The following ZSCAN25 variants were observed in gnomAD, a reference collection of about 807,000 sequenced individuals.
ZSCAN25 encodes zinc finger and SCAN domain-containing protein 25.
In ZSCAN25, 27 loss-of-function variants were observed where a neutral mutation model predicts 38.7. That is an observed-to-expected ratio of 0.70 (90% CI 0.51 to 0.96). The LOEUF (loss-of-function observed/expected upper bound fraction) is 0.96, where lower values mean the gene tolerates loss of function less well. Among genes scored for constraint, ZSCAN25 ranks in the 40% least tolerant of loss-of-function variants. The pLI is 0.00. For missense variants in ZSCAN25, 637 were observed against 705.9 expected, an observed-to-expected ratio of 0.90 and a Z score of 1.11; for synonymous variants, 273 against 277.7, an observed-to-expected ratio of 0.98 and a Z score of 0.17.
At chr7:99,698,316 G>A in the ZSCAN25 span, among the ~76,000 whole-genome samples, 5 of 152,184 alleles carry the variant, frequency 3.3e-5, no homozygotes, top group Non-Finnish European at 5.9e-5. Flanking sequence ...ATGTCCCTGT[G>A]TCCAGGCTTG....
At chr7:99,712,196 C>T in the ZSCAN25 span, among the ~76,000 whole-genome samples, 2 of 152,196 alleles carry the variant, frequency 1.3e-5, no homozygotes, top group Admixed American at 1.3e-4. Flanking sequence ...GTGCCTGTTC[C>T]AACCATGTAA....
At chr7:99,710,707 C>T in the ZSCAN25 span, 1 of 1,613,706 alleles carries the variant, frequency 6.2e-7, no homozygotes, top group Non-Finnish European at 8.5e-7. Context: ...CCTCCTCCCT[C>T]CTTCTCCATG....
the ZSCAN25 span, chr7:99,713,656 T>G: frequency 3.7e-6 from 5 of 1,354,682 alleles, no homozygotes; most frequent in East Asian, 7.2e-5. Flanking sequence ...AGAAATCTGA[T>G]GGGTGTTGCC....
Position 99,630,866 on chromosome 7 carries a change from TAGAA to T in ZSCAN25, c.*851_*854del, listed in dbSNP as rs1807945689. The T allele has an allele frequency of 3.0e-6, 3 of 984,294 alleles. No individual in the cohort carries two copies. The highest frequency in any genetic ancestry group is 1.1e-4 in the East Asian group (1 of 8,818). The allele number at this position is 984,294 out of a possible 1,614,324, so 61.0% of individuals were successfully genotyped here. A position where few individuals can be genotyped will look rare whatever the true frequency, so the allele number is the denominator to read the frequency against. The stretch of plus-strand genomic sequence containing the variant: ...CAGAGTATTTTAAAAAACAGTTCTC[TAGAA>T]AGAACTGTTATAATTAAAATGAGTC... On this transcript the variant is annotated 3_prime_UTR_variant, in exon 8 of 8. Transcript: ENST00000394152.
chr7:99,622,520 T>A (rs368877156), intron 5 of ZSCAN25, 29 bp from the exon 6 acceptor site: 23 of 1,605,438 alleles, frequency 1.4e-5, no homozygotes, highest in Non-Finnish European at 1.8e-5. Context: ...ATCCTTCTGA[T>A]CTTTCTCATG....
At chr7:99,635,890 A>T (rs1343120676), downstream of ZSCAN25, among the ~76,000 whole-genome samples, 1 of 152,058 alleles carries the variant, frequency 6.6e-6, no homozygotes. Flanking sequence ...TGCTAAAAAT[A>T]CAAAAAATTA....
chr7:99,715,474 G>A, the ZSCAN25 span: 9 of 419,752 alleles, frequency 2.1e-5, no homozygotes, highest in African/African-American at 1.2e-4. Flanking sequence ...TCATTTCTAT[G>A]AAGTGTCCAG....
At chr7:99,662,877 T>C in the ZSCAN25 span, 4 of 1,613,822 alleles carry the variant, frequency 2.5e-6, no homozygotes, top group Non-Finnish European at 3.4e-6. This position sits in a 1 kb window ranked among gnomAD's most constrained non-coding sequence, Gnocchi z 4.3. Context: ...GGAAATCTAG[T>C]CGGTGCTAGA....
At chr7:99,638,720 T>G in the ZSCAN25 span, 1 of 1,278,546 alleles carries the variant, frequency 7.8e-7, no homozygotes, top group Non-Finnish European at 1.1e-6. Flanking sequence ...AACATGAGGA[T>G]CCACATTTCC....
rs188734115 is a variant in ZSCAN25 at position 99,630,140 on chromosome 7, C to T, written c.*120C>T. On this transcript the variant is annotated 3_prime_UTR_variant, in exon 8 of 8. Transcript: ENST00000394152. ...TCGCCTTCCCACCCATTCGCCAACG[C>T]GGGAAAGGCAAGGCCTGGCTTACTT... is the stretch of plus-strand genomic sequence containing the variant. The T allele has an allele frequency of 1.1e-5, 15 of 1,424,592 alleles. No homozygotes were observed. In the Admixed American group the frequency reaches 1.5e-4, roughly 14 times the overall value. The allele number at this position is 1,424,592 out of a possible 1,614,324, so 88.2% of individuals were successfully genotyped here.
At chr7:99,691,490 A>G in the ZSCAN25 span, among the ~76,000 whole-genome samples, 1 of 152,178 alleles carries the variant, frequency 6.6e-6, no homozygotes, top group Admixed American at 6.6e-5. Flanking sequence ...AATATTGACA[A>G]TGGGGTGTTA....
In ZSCAN25 at chr7:99,624,059, G is replaced by T; in HGVS notation, c.684G>T (p.Gly228=). The change falls in exon 7 of 8, where the codon GGG becomes GGT. Residue 228 remains glycine, a splice_region_variant and synonymous_variant. Transcript: ENST00000394152. ...AAGFFTAGSQ[G]LGPFKDMALA... ...ATAGCAATCTCCTATTGTTGCAGGG[G>T]TTGGGGCCATTTAAAGATATGGCCC... 1 of 1,614,190 alleles carries T rather than the reference G, an allele frequency of 6.2e-7. No homozygotes were observed. The highest frequency in any genetic ancestry group is 2.2e-5 in the East Asian group (1 of 44,892).
Position 99,629,088 on chromosome 7 carries a change from A to G in ZSCAN25, c.806-103A>G. On this transcript the variant is annotated intron_variant, in intron 7 of 7. Transcript: ENST00000394152. The surrounding 1 kb of genome is among the most constrained non-coding windows in gnomAD (Gnocchi z 5.6). Reference sequence around the variant, plus strand: ...AGTTGAGGTTGTTGGTCAAAGGAAAAAAGAGAAGGAACCATGAATGGGACC... The same window carrying G: ...AGTTGAGGTTGTTGGTCAAAGGAAAGAAGAGAAGGAACCATGAATGGGACC... The G allele has an allele frequency of 2.0e-6, 3 of 1,472,584 alleles. No individual in the cohort carries two copies. Among genetic ancestry groups the G allele is most frequent in the Non-Finnish European group, 2.7e-6 (3 of 1,103,354 alleles). 91.2% of individuals were successfully genotyped at this position (1,472,584 alleles called of 1,614,324 possible). A position where few individuals can be genotyped will look rare whatever the true frequency, so the allele number is the denominator to read the frequency against.
intron 7 of ZSCAN25, 150 bp downstream of exon 7, chr7:99,624,330 A>T: frequency 1.1e-6 from 1 of 877,144 alleles, no homozygotes; most frequent in East Asian, 2.6e-5. Flanking sequence ...GGGCACGAGG[A>T]GCTGCTTTCC....
the ZSCAN25 span, chr7:99,730,864 G>A: frequency 1.5e-6 from 1 of 646,894 alleles, no homozygotes; most frequent in Non-Finnish European, 2.6e-6. Flanking sequence ...GTCCAACTGA[G>A]GCAAACTTGA....
chr7:99,678,056 A>G, the ZSCAN25 span, among the ~76,000 whole-genome samples: 1 of 152,188 alleles, frequency 6.6e-6, no homozygotes, highest in Non-Finnish European at 1.5e-5. Context: ...CATCTATTGC[A>G]TGTAATTGTG....
At chr7:99,711,108 G>C in the ZSCAN25 span, among the ~76,000 whole-genome samples, 2 of 152,142 alleles carry the variant, frequency 1.3e-5, no homozygotes, top group Admixed American at 1.3e-4. Flanking sequence ...ATGTCTTCAA[G>C]AACGTAGACC....
At chr7:99,727,680 A>G in the ZSCAN25 span, among the ~76,000 whole-genome samples, 109 of 152,230 alleles carry the variant, frequency 7.2e-4, 1 homozygote, top group Admixed American at 1.1e-3. Context: ...AGGCTGTGCT[A>G]TATTATCTTC....
At chr7:99,706,992 A>T in the ZSCAN25 span, among the ~76,000 whole-genome samples, 1 of 152,258 alleles carries the variant, frequency 6.6e-6, no homozygotes, top group South Asian at 2.1e-4. Flanking sequence ...TTATGAAATT[A>T]TATGATAATA....
Sources: gnomAD v4.1 joint callset for allele counts (sites outside exome capture counted in the v4.1 genomes callset) on GRCh38, gnomAD v4.1.1 for gene constraint, Gnocchi (gnomAD v3.1) non-coding constraint, MANE v1.5 for transcripts, NCBI Gene and HGNC (gene_info 2026-07-23, HGNC 2026-07-21) for gene names.